IFT140: variants seen among roughly 807,000 people sequenced by gnomAD.
The protein encoded by IFT140 is intraflagellar transport 140, also known as intraflagellar transport protein 140 homolog.
A neutral mutation model predicts 164.6 loss-of-function variants in IFT140; 133 were observed. The observed-to-expected ratio is 0.81, with a 90% confidence interval of 0.70 to 0.93. The LOEUF (loss-of-function observed/expected upper bound fraction) is 0.93, where lower values mean the gene tolerates loss of function less well. Ranked by LOEUF, IFT140 falls within the 40% of genes least tolerant of loss-of-function variation. IFT140 has a pLI of 0.00. For missense variants in IFT140, 2,045 were observed against 1,972.3 expected, an observed-to-expected ratio of 1.04 and a Z score of -0.70; for synonymous variants, 860 against 817.3, an observed-to-expected ratio of 1.05 and a Z score of -0.89.
rs780823837 is a variant in IFT140 at position 1,524,915 on chromosome 16, T to C, written c.2866A>G (p.Thr956Ala). ...ELYVNKMKDK[T>A]LWRWWAQYLE... ...TACTGCGCCCACCACCGCCACAGGGTCCTGCGGGCAGCCCAAGACCATGGA... is the reference window on the plus strand; with the variant it reads ...TACTGCGCCCACCACCGCCACAGGGCCCTGCGGGCAGCCCAAGACCATGGA... Residue 956 changes from threonine (T) to alanine (A), a missense_variant and splice_region_variant, in exon 23 of 31, where the codon ACC becomes GCC. By Grantham distance (58) the Thr-to-Ala change is moderately conservative (BLOSUM62 0). Transcript: ENST00000426508. 1 of 1,604,906 alleles carries C rather than the reference T, an allele frequency of 6.2e-7. No homozygotes were observed. Among genetic ancestry groups the C allele is most frequent in the Admixed American group, 1.7e-5 (1 of 59,916 alleles).
intron 19 of IFT140, chr16:1,541,846 A>G: frequency 2.0e-6 from 3 of 1,475,792 alleles, no homozygotes; most frequent in Non-Finnish European, 2.7e-6. Flanking sequence ...AGAGACCACG[A>G]AAGTGGCGTG....
At chr16:1,603,931 T>C (rs923131842) in intron 3 of IFT140, among the ~76,000 whole-genome samples, 2 of 152,228 alleles carry the variant, frequency 1.3e-5, no homozygotes, top group African/African-American at 2.4e-5. Context: ...GATCACTATT[T>C]TGAAATCCTG....
chr16:1,533,947 C>T lies in IFT140; in HGVS notation c.2400-7151G>A, dbSNP rs1174973233. 5.1e-6 allele frequency: 2 copies of T among 390,198 alleles called. No individual in the cohort carries two copies. Among genetic ancestry groups the T allele is most frequent in the South Asian group, 3.2e-5 (1 of 31,126 alleles). 24.2% of individuals were successfully genotyped at this position (390,198 alleles called of 1,614,324 possible). Reference sequence around the variant, plus strand: ...CCACTGCTGCAGGCGAGAAGAGGCACGCGCGGCACAGGCCGGCCTCCGCTT... The same window carrying T: ...CCACTGCTGCAGGCGAGAAGAGGCATGCGCGGCACAGGCCGGCCTCCGCTT... On this transcript the variant is annotated intron_variant, in intron 19 of 30. Transcript: ENST00000426508. This position sits in a 1 kb window ranked among gnomAD's most constrained non-coding sequence, Gnocchi z 4.7.
chr16:1,602,181 C>T, intron 4 of IFT140, 189 bp downstream of exon 4: 1 of 606,168 alleles, frequency 1.6e-6, no homozygotes, highest in South Asian at 2.0e-5. Context: ...AAGGTGCAGA[C>T]ACACCTTTGC....
At chr16:1,540,508 CCT>C (rs2031530985) in intron 19 of IFT140, among the ~76,000 whole-genome samples, 1 of 152,202 alleles carries the variant, frequency 6.6e-6, no homozygotes, top group Non-Finnish European at 1.5e-5. Flanking sequence ...CTCCCCATCC[CCT>C]CTCGGCCTCC....
At chr16:1,521,456 T>C (rs570920329) in intron 26 of IFT140, among the ~76,000 whole-genome samples, 8 of 152,098 alleles carry the variant, frequency 5.3e-5, no homozygotes, top group Non-Finnish European at 1.0e-4. Flanking sequence ...TGGCACAATC[T>C]TGGCTCACTG....
intron 3 of IFT140, among the ~76,000 whole-genome samples, chr16:1,603,294 T>A (rs2035886969): frequency 6.6e-6 from 1 of 152,098 alleles, no homozygotes; most frequent in East Asian, 1.9e-4. Flanking sequence ...CCCAGGGATC[T>A]CAAAGTGTTG....
chr16:1,558,229 G>A lies in IFT140; in HGVS notation c.2200-95C>T, dbSNP rs1172642130. Reference sequence around the variant, plus strand: ...CTCTGGATTTAGCTCCCTTATGGGGGAGAAATCCCTCTGCAGACAGACAGA... The same window carrying A: ...CTCTGGATTTAGCTCCCTTATGGGGAAGAAATCCCTCTGCAGACAGACAGA... On this transcript the variant is annotated intron_variant, in intron 18 of 30. Coordinates refer to ENST00000426508, the MANE Select transcript of IFT140 (RefSeq NM_014714.4). The A allele has an allele frequency of 4.8e-5, 58 of 1,213,954 alleles. No individual in the cohort carries two copies. In the South Asian group the frequency reaches 5.9e-4, roughly 12 times the overall value. 75.2% of individuals were successfully genotyped at this position (1,213,954 alleles called of 1,614,324 possible).
intron 18 of IFT140, among the ~76,000 whole-genome samples, chr16:1,559,798 G>A (rs1347939936): frequency 1.3e-5 from 2 of 152,196 alleles, no homozygotes; most frequent in South Asian, 4.1e-4. Flanking sequence ...AAGTATCGGT[G>A]CACAGACAAT....
At chr16:1,606,841 C>A (rs1004555106) in intron 3 of IFT140, among the ~76,000 whole-genome samples, 9 of 151,982 alleles carry the variant, frequency 5.9e-5, no homozygotes, top group African/African-American at 2.2e-4. Context: ...CACACACACA[C>A]ACGTGTGCAC....
chr16:1,548,205 C>T (rs1257158662), intron 19 of IFT140, among the ~76,000 whole-genome samples: 4 of 152,252 alleles, frequency 2.6e-5, no homozygotes, highest in African/African-American at 4.8e-5. Context: ...GCCAGGGGGC[C>T]GTCTGCTCCG....
intron 19 of IFT140, among the ~76,000 whole-genome samples, chr16:1,547,088 G>A (rs1324977666): frequency 2.6e-5 from 4 of 152,194 alleles, no homozygotes; most frequent in South Asian, 4.1e-4. Flanking sequence ...GCATGATGCC[G>A]AAGGCTTCTC....
intron 14 of IFT140, 57 bp from the exon 15 acceptor site, chr16:1,568,391 G>T: frequency 7.3e-7 from 1 of 1,372,222 alleles, no homozygotes; most frequent in Non-Finnish European, 1.0e-6. Context: ...CCAATTCTCC[G>T]CCCACCCTGA....
At chr16:1,513,862 A>C (rs557202605) in intron 30 of IFT140, among the ~76,000 whole-genome samples, 1,764 of 142,714 alleles carry the variant, frequency 0.012, 50 homozygotes, top group African/African-American at 0.045. Flanking sequence ...TTTAGTAGAG[A>C]CGGGGTTTCA....
At chr16:1,521,222 TCCTA>T in intron 26 of IFT140, among the ~76,000 whole-genome samples, 1 of 151,354 alleles carries the variant, frequency 6.6e-6, no homozygotes, top group South Asian at 2.1e-4. Flanking sequence ...CAGGTGATCT[TCCTA>T]CCTCAGTTTT....
intron 13 of IFT140, among the ~76,000 whole-genome samples, chr16:1,572,648 A>T (rs1026898142): frequency 6.6e-6 from 1 of 152,258 alleles, no homozygotes; most frequent in Non-Finnish European, 1.5e-5. Context: ...TCCATCTCAA[A>T]GAAACAACAA....
intron 14 of IFT140, 45 bp from the exon 15 acceptor site, chr16:1,568,379 TC>T: frequency 6.9e-7 from 1 of 1,451,840 alleles, no homozygotes. Context: ...GAGGCCCAGT[TC>T]CCAATTCTCC....
At chr16:1,583,436 C>A in intron 11 of IFT140, 50 bp from the exon 12 acceptor site, 1 of 1,464,812 alleles carries the variant, frequency 6.8e-7, no homozygotes, top group Non-Finnish European at 9.6e-7. Flanking sequence ...AAGTGAGGTG[C>A]AACTGTACAC....
chr16:1,579,893 G>A (rs1275574087), intron 13 of IFT140, among the ~76,000 whole-genome samples: 1 of 151,722 alleles, frequency 6.6e-6, no homozygotes, highest in Non-Finnish European at 1.5e-5. Context: ...GTACCTGGGA[G>A]GCGGAGATTG....
Sources: gnomAD v4.1 joint callset for allele counts (sites outside exome capture counted in the v4.1 genomes callset) on GRCh38, gnomAD v4.1.1 for gene constraint, Gnocchi (gnomAD v3.1) non-coding constraint, MANE v1.5 for transcripts, NCBI Gene and HGNC (gene_info 2026-07-23, HGNC 2026-07-21) for gene names.